Variants in HIF3A observed in about 807,000 individuals in gnomAD.
HIF3A encodes hypoxia-inducible factor 3-alpha.
Under a neutral mutation model 67.2 loss-of-function variants are expected in HIF3A, and 41 were observed. The observed-to-expected ratio is 0.61, with a 90% CI of 0.48 to 0.79. HIF3A has a LOEUF of 0.79. HIF3A is among the 30% of genes least tolerant of loss of function. The pLI is 0.00. For synonymous variants in HIF3A, 356 were observed against 374.8 expected (o/e 0.95, Z 0.58); for missense variants, 855 against 898.0 (o/e 0.95, Z 0.61).
chr19:46,301,431 C>A (rs1305658439), intron 1 of HIF3A, among the ~76,000 whole-genome samples: 1 of 152,142 alleles, frequency 6.6e-6, no homozygotes, highest in African/African-American at 2.4e-5. Flanking sequence ...ACTCACCGCC[C>A]AGATTCAAAT....
chr19:46,330,714 G>A (rs1278326111), intron 12 of HIF3A, among the ~76,000 whole-genome samples: 1 of 151,042 alleles, frequency 6.6e-6, no homozygotes, highest in African/African-American at 2.4e-5. Flanking sequence ...TTAATGGATG[G>A]ATGGATGGTG....
At chr19:46,298,300 C>T (rs1486542761) in intron 1 of HIF3A, 8 of 855,514 alleles carry the variant, frequency 9.4e-6, no homozygotes, top group East Asian at 1.3e-4. Context: ...GGCCAGCTGT[C>T]GTTCCGCCCC....
chr19:46,325,144 G>A (rs1398969174), intron 10 of HIF3A, among the ~76,000 whole-genome samples: 3 of 151,200 alleles, frequency 2.0e-5, no homozygotes, highest in Admixed American at 1.3e-4. Flanking sequence ...CCACAGATGT[G>A]TGCCACCACA....
chr19:46,312,135 C>G, intron 6 of HIF3A, 26 bp from the exon 7 acceptor site: 1 of 1,580,152 alleles, frequency 6.3e-7, no homozygotes, highest in Non-Finnish European at 8.7e-7. Flanking sequence ...GCATCCTGAC[C>G]AGACCCCACT....
intron 14 of HIF3A, chr19:46,338,665 A>T (rs1306108004): frequency 8.3e-6 from 3 of 362,736 alleles, no homozygotes; most frequent in African/African-American, 6.7e-5. Flanking sequence ...ACAGAGGAGT[A>T]AATCAAGAGG....
At position 46,339,742 on chromosome 19, in the gene HIF3A, AC is replaced by A. The variant is rs1388867474; in HGVS notation, c.*125del. ...AGAGGGGCCCCTCTCTCCTCTATGTACCCCCTGCCCACCTCGGGCCTACCTC... is the reference window on the plus strand; with the variant it reads ...AGAGGGGCCCCTCTCTCCTCTATGTACCCCTGCCCACCTCGGGCCTACCTC... On this transcript the variant is annotated 3_prime_UTR_variant, in exon 15 of 15. Coordinates refer to ENST00000377670, the MANE Select transcript of HIF3A (RefSeq NM_152795.4). 2 of 575,516 alleles carry A rather than the reference AC, an allele frequency of 3.5e-6. No homozygotes were observed. Among genetic ancestry groups the A allele is most frequent in the Non-Finnish European group, 5.8e-6 (2 of 342,946 alleles). 35.7% of individuals were successfully genotyped at this position (575,516 alleles called of 1,614,324 possible).
At chr19:46,323,090 G>A (rs1266823341) in intron 10 of HIF3A, among the ~76,000 whole-genome samples, 2 of 148,744 alleles carry the variant, frequency 1.3e-5, no homozygotes, top group Non-Finnish European at 3.0e-5. Context: ...TGCTCTTATC[G>A]CCCAGGCTGG....
chr19:46,326,375 C>T (rs1283539322), intron 11 of HIF3A, among the ~76,000 whole-genome samples: 1 of 152,168 alleles, frequency 6.6e-6, no homozygotes, highest in Non-Finnish European at 1.5e-5. Context: ...TCTTTCATGG[C>T]CTAATCTCAG....
chr19:46,335,641 T>TG (rs1458389361), intron 14 of HIF3A, among the ~76,000 whole-genome samples: 1 of 151,278 alleles, frequency 6.6e-6, no homozygotes, highest in Non-Finnish European at 1.5e-5. Flanking sequence ...GAGGCTGAGG[T>TG]GGGAGGGTCA....
At chr19:46,320,396 C>T (rs768145914) in intron 8 of HIF3A, 47 bp from the exon 9 acceptor site, 4 of 1,486,756 alleles carry the variant, frequency 2.7e-6, no homozygotes, top group Admixed American at 3.4e-5. Context: ...GGGCTGGAGC[C>T]AAGGACCCTC....
chr19:46,334,283 A>C (rs1401846320), intron 13 of HIF3A, among the ~76,000 whole-genome samples: 1 of 151,308 alleles, frequency 6.6e-6, no homozygotes, highest in African/African-American at 2.4e-5. Context: ...GTAGAGATGG[A>C]GTTTCACCAT....
intron 8 of HIF3A, among the ~76,000 whole-genome samples, chr19:46,318,527 C>T (rs113409637): frequency 0.11 from 12,894 of 113,728 alleles, 856 homozygotes; most frequent in East Asian, 0.3. Context: ...CCAGCCTGAG[C>T]GAGAGAGTGA....
At chr19:46,337,705 C>G (rs1029986534) in intron 14 of HIF3A, among the ~76,000 whole-genome samples, 1 of 152,224 alleles carries the variant, frequency 6.6e-6, no homozygotes, top group Admixed American at 6.5e-5. Flanking sequence ...TTTGCATATC[C>G]TGATCCTTCT....
rs942019391 is a variant in HIF3A, at chr19:46,309,852, C to T, written c.770+493C>T. Among the ~76,000 whole-genome samples, 14 of 152,120 alleles carry T rather than the reference C, an allele frequency of 9.2e-5. 1 individual carries two copies. The South Asian group carries it at 1.7e-3, about 18-fold the overall frequency. Reference sequence around the variant, plus strand: ...CGGCAGTACCAGCACTTAGGGAGGCCGATGCGGGAGAATTGCTTGAGACCA... The same window carrying T: ...CGGCAGTACCAGCACTTAGGGAGGCTGATGCGGGAGAATTGCTTGAGACCA... On this transcript the variant is annotated intron_variant, in intron 6 of 14. Coordinates refer to ENST00000377670, the MANE Select transcript of HIF3A (RefSeq NM_152795.4).
rs999554027 is a variant in HIF3A at position 46,340,576 on chromosome 19, C to A, written c.*954C>A. The A allele has an allele frequency of 3.9e-5, 6 of 152,302 alleles. No individual in the cohort carries two copies. Among genetic ancestry groups the A allele is most frequent in the Non-Finnish European group, 7.3e-5 (5 of 68,172 alleles). 9.4% of individuals were successfully genotyped at this position (152,302 alleles called of 1,614,324 possible). A position where few individuals can be genotyped will look rare whatever the true frequency, so the allele number is the denominator to read the frequency against. On this transcript the variant is annotated 3_prime_UTR_variant, in exon 15 of 15. Coordinates refer to ENST00000377670, the MANE Select transcript of HIF3A (RefSeq NM_152795.4). Reference sequence around the variant, plus strand: ...AGTGCAGTGGCGCGATTTCAGCTTACTGCAGCCTCCGCGCCCTGGGTTCAA... The same window carrying A: ...AGTGCAGTGGCGCGATTTCAGCTTAATGCAGCCTCCGCGCCCTGGGTTCAA...
In HIF3A at chr19:46,309,343, A is replaced by C. The variant is rs1421229827; in HGVS notation, c.754A>C (p.Thr252Pro). The change falls in exon 6 of 15, where the codon ACC becomes CCC. Residue 252 changes from threonine to proline, a missense_variant. By Grantham distance (38) the Thr-to-Pro change is conservative. Around this residue, in one of 3 missense-constraint regions of HIF3A, gnomAD observed 638 missense variants for 660.5 expected, o/e 0.97. Coordinates refer to ENST00000377670, the MANE Select transcript of HIF3A (RefSeq NM_152795.4). ...CCGCCACAGCCTGGACATGAAGTTC[A>C]CCTACTGTGACGACAGGTGGGCAGG... ...LSRHSLDMKF[T>P]YCDDRIAEVA... The C allele has an allele frequency of 3.7e-6, 6 of 1,608,638 alleles. No individual in the cohort carries two copies. The highest frequency in any genetic ancestry group is 4.2e-6 in the Non-Finnish European group (5 of 1,177,536).
intron 6 of HIF3A, 45 bp from the exon 7 acceptor site, chr19:46,312,116 C>A: frequency 2.1e-6 from 3 of 1,414,910 alleles, no homozygotes; most frequent in Non-Finnish European, 3.0e-6. Flanking sequence ...CCCTCTCTCT[C>A]ACCCAGTAGC....
In HIF3A at chr19:46,340,745, C is replaced by T. The variant is rs748264179; in HGVS notation, c.*1123C>T. 2 of 152,276 alleles carry T rather than the reference C, an allele frequency of 1.3e-5. No individual in the cohort carries two copies. Among genetic ancestry groups the T allele is most frequent in the Non-Finnish European group, 2.9e-5 (2 of 68,082 alleles). The allele number at this position is 152,276 out of a possible 1,614,324, so 9.4% of individuals were successfully genotyped here. A position where few individuals can be genotyped will look rare whatever the true frequency, so the allele number is the denominator to read the frequency against. On this transcript the variant is annotated 3_prime_UTR_variant, in exon 15 of 15. Coordinates refer to ENST00000377670, the MANE Select transcript of HIF3A (RefSeq NM_152795.4). ...CGAACTCCTGACCTCAAGTGCTCCA[C>T]CTGCCTCAGCCTTCCAAAGTGCTGG...
chr19:46,335,023 CCTT>C, intron 14 of HIF3A, 37 bp downstream of exon 14: 2 of 1,550,488 alleles, frequency 1.3e-6, no homozygotes, highest in Non-Finnish European at 1.8e-6. Context: ...CCCCAGAGCA[CCTT>C]CTCCCCCGGG....
Sources: allele counts gnomAD v4.1 joint callset (sites outside exome capture counted in the v4.1 genomes callset), GRCh38; gene constraint gnomAD v4.1.1; regional missense constraint gnomAD v4.1.1; transcripts MANE v1.5; gene names NCBI Gene and HGNC (gene_info 2026-07-23, HGNC 2026-07-21).